Variants in NPM1 observed in about 807,000 individuals in gnomAD.
The protein encoded by NPM1 is nucleophosmin 1, also known as nucleophosmin.
NPM1 carries 1 observed loss-of-function variant against 44.1 expected under a neutral mutation model. That is an observed-to-expected ratio of 0.02 (90% CI 0.01 to 0.11). NPM1 has a LOEUF of 0.11. NPM1 is among the 10% of genes least tolerant of loss of function. The pLI is 1.00. For synonymous variants in NPM1, 126 were observed against 111.8 expected (o/e 1.13, Z -0.80); for missense variants, 197 against 347.8 (o/e 0.57, Z 3.45).
At chr5:171,405,473 T>C (rs1466500501) in intron 9 of NPM1, 70 bp downstream of exon 9, 1 of 714,766 alleles carries the variant, frequency 1.4e-6, no homozygotes, top group African/African-American at 1.8e-5. Context: ...TGCATAGACT[T>C]GAATGTTTCT....
intron 9 of NPM1, chr5:171,407,162 G>GT (rs1771613957): frequency 6.5e-6 from 1 of 153,858 alleles, no homozygotes; most frequent in African/African-American, 2.4e-5. Context: ...GAAGGAAATG[G>GT]TAAGAGTGAT....
At chr5:171,397,716 T>A (rs1770982792) in intron 6 of NPM1, among the ~76,000 whole-genome samples, 2 of 152,106 alleles carry the variant, frequency 1.3e-5, no homozygotes, top group African/African-American at 4.8e-5. Flanking sequence ...AGGCTGTTCT[T>A]AAACTCCTGT....
chr5:171,400,949 G>A (rs201905499), intron 8 of NPM1, 24 bp downstream of exon 8: 5 of 1,471,334 alleles, frequency 3.4e-6, no homozygotes, highest in Non-Finnish European at 4.8e-6. Flanking sequence ...TTTACACGTG[G>A]GTCTCATTGA....
At chr5:171,403,548 G>T (rs1240892978) in intron 8 of NPM1, among the ~76,000 whole-genome samples, 1 of 114,326 alleles carries the variant, frequency 8.7e-6, no homozygotes, top group African/African-American at 3.2e-5. Context: ...GGTGGTGGCC[G>T]GGCAGAGGGG....
At chr5:171,403,012 T>TTTTA (rs1771309376) in intron 8 of NPM1, among the ~76,000 whole-genome samples, 1 of 99,036 alleles carries the variant, frequency 1.0e-5, no homozygotes. Flanking sequence ...ATTTTTTTTT[T>TTTTA]AATTTATTTT....
intron 1 of NPM1, 59 bp downstream of exon 1, chr5:171,388,065 G>T: frequency 1.5e-6 from 2 of 1,338,750 alleles, no homozygotes; most frequent in South Asian, 2.4e-5. Context: ...GTGAGGGTGG[G>T]GGTGAGGGGC....
chr5:171,393,982 C>A (rs1770729712), intron 6 of NPM1, among the ~76,000 whole-genome samples: 1 of 150,028 alleles, frequency 6.7e-6, no homozygotes, highest in African/African-American at 2.4e-5. Flanking sequence ...ACTTGCATGT[C>A]AAACTTATAA....
At chr5:171,410,075 C>T (rs372785778) in intron 10 of NPM1, among the ~76,000 whole-genome samples, 4 of 152,194 alleles carry the variant, frequency 2.6e-5, no homozygotes, top group Admixed American at 6.5e-5. Flanking sequence ...GGATTACAGG[C>T]GTGAGCCACC....
At chr5:171,388,393 C>T (rs1486159288) in intron 1 of NPM1, among the ~76,000 whole-genome samples, 1 of 152,190 alleles carries the variant, frequency 6.6e-6, no homozygotes, top group Non-Finnish European at 1.5e-5. Context: ...GTTGGTGGTC[C>T]TGGAGGCTGG....
intron 8 of NPM1, among the ~76,000 whole-genome samples, chr5:171,403,584 T>C (rs1241483639): frequency 0.19 from 11,936 of 63,576 alleles, 695 homozygotes; most frequent in Non-Finnish European, 0.2. Context: ...TAGGGGCGGC[T>C]GGGCAGAGGC....
intron 10 of NPM1, among the ~76,000 whole-genome samples, chr5:171,409,314 C>G (rs989150195): frequency 6.6e-6 from 1 of 152,148 alleles, no homozygotes; most frequent in Admixed American, 6.6e-5. Context: ...ATGATAAGAT[C>G]TCTGGCTGGG....
Position 171,400,175 on chromosome 5 carries a change from G to C in NPM1, c.547G>C (p.Asp183His), listed in dbSNP as rs1481227568. The part of the protein sequence containing the change: ...DEDDDDDDFD[D>H]EEAEEKAPVK... ...TAGTGATGATGATGATGATTTTGAT[G>C]ATGAGGAAGCTGAAGAAAAAGCGCC... Residue 183 changes from aspartate (D) to histidine (H), a missense_variant, in exon 7 of 11, where the codon GAT becomes CAT. Around this residue, in one of 5 missense-constraint regions of NPM1, gnomAD observed 91 missense variants for 94.0 expected, o/e 0.97. Coordinates refer to ENST00000296930, the MANE Select transcript of NPM1 (RefSeq NM_002520.7). The C allele has an allele frequency of 6.2e-7, 1 of 1,602,514 alleles. No homozygotes were observed. Among genetic ancestry groups the C allele is most frequent in the Admixed American group, 1.7e-5 (1 of 60,008 alleles).
At chr5:171,400,327 A>AGGGAGATCATCTCAT in intron 7 of NPM1, 117 bp downstream of exon 7, 47 of 1,198,136 alleles carry the variant, frequency 3.9e-5, no homozygotes, top group South Asian at 1.2e-4. Context: ...TCTCATACTG[A>AGGGAGATCATCTCAT]AAATTAGTCC....
intron 2 of NPM1, 155 bp downstream of exon 2, chr5:171,390,285 C>T (rs920710265): frequency 2.3e-5 from 11 of 483,242 alleles, no homozygotes; most frequent in Non-Finnish European, 4.0e-5. Context: ...GTCTGTACAT[C>T]TTTGAAGAAC....
intron 3 of NPM1, 78 bp downstream of exon 3, chr5:171,391,502 T>A: frequency 6.4e-7 from 1 of 1,552,904 alleles, no homozygotes; most frequent in Non-Finnish European, 8.7e-7. Flanking sequence ...CATTTAGTTG[T>A]GCCAAGGAGA....
At chr5:171,397,907 C>T (rs1331732245) in intron 6 of NPM1, among the ~76,000 whole-genome samples, 3 of 148,470 alleles carry the variant, frequency 2.0e-5, no homozygotes, top group African/African-American at 7.5e-5. Flanking sequence ...AATTCTTCTG[C>T]CTCTCCCAAG....
chr5:171,393,421 T>C (rs781644380), intron 6 of NPM1, among the ~76,000 whole-genome samples: 6 of 152,214 alleles, frequency 3.9e-5, no homozygotes, highest in Non-Finnish European at 8.8e-5. Context: ...GTCTTATGGT[T>C]TTATGTAGAT....
chr5:171,396,344 A>G (rs1663717192), intron 6 of NPM1, among the ~76,000 whole-genome samples: 1 of 152,160 alleles, frequency 6.6e-6, no homozygotes, highest in Non-Finnish European at 1.5e-5. Context: ...GACTTGTTTT[A>G]ACAAATAAGA....
At chr5:171,405,221 T>C in intron 8 of NPM1, 81 bp from the exon 9 acceptor site, 1 of 689,996 alleles carries the variant, frequency 1.4e-6, no homozygotes, top group Non-Finnish European at 2.5e-6. Context: ...TGAGAATATT[T>C]GAGGAAATCC....
Sources: allele counts gnomAD v4.1 joint callset (sites outside exome capture counted in the v4.1 genomes callset), GRCh38; gene constraint gnomAD v4.1.1; regional missense constraint gnomAD v4.1.1; transcripts MANE v1.5; gene names NCBI Gene and HGNC (gene_info 2026-07-23, HGNC 2026-07-21).